The following PPP2R5C variants were observed in gnomAD, a reference collection of about 807,000 sequenced individuals.
PPP2R5C encodes the protein serine/threonine-protein phosphatase 2A 56 kDa regulatory subunit gamma isoform.
PPP2R5C carries 7 observed loss-of-function variants against 68.9 expected under a neutral mutation model. The observed-to-expected ratio is 0.10, with a 90% CI of 0.06 to 0.19. The LOEUF (loss-of-function observed/expected upper bound fraction) is 0.19. Among genes scored for constraint, PPP2R5C ranks in the 10% least tolerant of loss-of-function variants. PPP2R5C has a pLI of 1.00. For missense variants in PPP2R5C, 348 were observed against 641.3 expected, an observed-to-expected ratio of 0.54 and a Z score of 4.94; for synonymous variants, 210 against 222.2, an observed-to-expected ratio of 0.95 and a Z score of 0.49.
At chr14:101,808,171 G>C (rs1037522471), upstream of PPP2R5C, among the ~76,000 whole-genome samples, 10 of 151,574 alleles carry the variant, frequency 6.6e-5, no homozygotes, top group Non-Finnish European at 1.5e-5. Flanking sequence ...TTGGTGATCG[G>C]TGGCCATCCC....
chr14:101,908,698 C>A (rs1194831846), intron 10 of PPP2R5C, among the ~76,000 whole-genome samples: 1 of 150,948 alleles, frequency 6.6e-6, no homozygotes, highest in Non-Finnish European at 1.5e-5. Context: ...TTTTTTTAAT[C>A]GCAACAATGA....
intron 2 of PPP2R5C, among the ~76,000 whole-genome samples, chr14:101,860,914 GGGTGGTGAGGA>G (rs2042700930): frequency 1.3e-5 from 2 of 152,158 alleles, no homozygotes; most frequent in Non-Finnish European, 2.9e-5. Context: ...AGAGAGATGC[GGGTGGTGAGGA>G]GCAATTCCCA....
chr14:101,848,185 A>C (rs1037105011), intron 1 of PPP2R5C, among the ~76,000 whole-genome samples: 1 of 152,222 alleles, frequency 6.6e-6, no homozygotes, highest in African/African-American at 2.4e-5. Flanking sequence ...TTCAATCAAA[A>C]AATTAGAAGC....
chr14:101,900,278 A>G (rs2045600605), intron 8 of PPP2R5C, among the ~76,000 whole-genome samples: 2 of 152,362 alleles, frequency 1.3e-5, no homozygotes, highest in South Asian at 2.1e-4. Context: ...GCATCAAAAC[A>G]AAATTTTTCT....
At chr14:101,865,108 T>A (rs2042975734) in intron 2 of PPP2R5C, among the ~76,000 whole-genome samples, 2 of 152,174 alleles carry the variant, frequency 1.3e-5, no homozygotes, top group Non-Finnish European at 2.9e-5. Flanking sequence ...GAATGCTGGT[T>A]CAGGGGAAAG....
intron 2 of PPP2R5C, among the ~76,000 whole-genome samples, chr14:101,873,958 G>T (rs546213458): frequency 1.3e-5 from 2 of 152,268 alleles, no homozygotes; most frequent in East Asian, 3.9e-4. Context: ...CAAATATTTG[G>T]TTGTTTCAGG....
At chr14:101,826,096 G>T (rs2040385358) in intron 1 of PPP2R5C, among the ~76,000 whole-genome samples, 1 of 152,034 alleles carries the variant, frequency 6.6e-6, no homozygotes, top group South Asian at 2.1e-4. Context: ...TCATACTGTG[G>T]GTTGTCTTTT....
At chr14:101,780,939 T>C (rs184917100) in intron 2 of PPP2R5C, among the ~76,000 whole-genome samples, 49 of 152,246 alleles carry the variant, frequency 3.2e-4, no homozygotes, top group Admixed American at 2.1e-3. Flanking sequence ...GCTGCAGCAC[T>C]GACTGGGTGA....
At chr14:101,889,443 G>C (rs551156116) in intron 5 of PPP2R5C, among the ~76,000 whole-genome samples, 1 of 152,310 alleles carries the variant, frequency 6.6e-6, no homozygotes, top group East Asian at 1.9e-4. Context: ...TTTGTGCCCG[G>C]TTTATTCAGC....
At chr14:101,900,223 A>G (rs930053156) in intron 8 of PPP2R5C, among the ~76,000 whole-genome samples, 4 of 152,216 alleles carry the variant, frequency 2.6e-5, no homozygotes, top group Admixed American at 2.0e-4. Flanking sequence ...GGAGTTTTAT[A>G]AAGTGTAATA....
chr14:101,779,071 A>G (rs551341080), intron 2 of PPP2R5C, among the ~76,000 whole-genome samples: 12 of 152,346 alleles, frequency 7.9e-5, no homozygotes, highest in African/African-American at 2.9e-4. Context: ...AAAATTAAAA[A>G]TAAAAATAAA....
chr14:101,909,565 C>G (rs2046270291), intron 10 of PPP2R5C, 24 bp from the exon 13 acceptor site: 1 of 1,527,058 alleles, frequency 6.5e-7, no homozygotes, highest in Admixed American at 1.7e-5. Context: ...TGCTCCCAGG[C>G]TCACCGTGCG....
intron 2 of PPP2R5C, among the ~76,000 whole-genome samples, chr14:101,869,568 G>A (rs572793613): frequency 3.3e-5 from 5 of 152,096 alleles, no homozygotes; most frequent in Admixed American, 2.6e-4. Flanking sequence ...CATGCCTCCC[G>A]TATCTTTGTC....
At chr14:101,883,678 C>G (rs1428207569) in intron 5 of PPP2R5C, 116 bp downstream of exon 7, 5 of 1,360,354 alleles carry the variant, frequency 3.7e-6, no homozygotes, top group Non-Finnish European at 4.0e-6. Flanking sequence ...GGGGGTTTCT[C>G]AAAGCCTATT....
intron 8 of PPP2R5C, among the ~76,000 whole-genome samples, 180 bp downstream of exon 10, chr14:101,894,740 G>T (rs2045191844): frequency 6.6e-6 from 1 of 152,078 alleles, no homozygotes; most frequent in South Asian, 2.1e-4. Flanking sequence ...CATTTTAATT[G>T]CAGATTCCTT....
At chr14:101,803,967 C>CTTGCAAGTA (rs1312911223) in intron 3 of PPP2R5C, among the ~76,000 whole-genome samples, 1 of 152,076 alleles carries the variant, frequency 6.6e-6, no homozygotes, top group Non-Finnish European at 1.5e-5. Flanking sequence ...TACTTGCAAA[C>CTTGCAAGTA]TACTCATCTG....
chr14:101,854,076 A>G (rs1300080390), intron 1 of PPP2R5C, among the ~76,000 whole-genome samples: 1 of 152,216 alleles, frequency 6.6e-6, no homozygotes, highest in African/African-American at 2.4e-5. Context: ...ATTGAAAAAG[A>G]CTGGATATCT....
chr14:101,915,216 G>A lies in PPP2R5C; in HGVS notation c.1327-2615G>A, dbSNP rs1595549025. ...GTGCCTCAGCCTCCCAAGTATGCTG[G>A]GACTACAGGTGCACGCCACCATGCC... On this transcript the variant is annotated intron_variant, in intron 12 of 13. Transcript: ENST00000334743. The surrounding 1 kb of genome is among the most constrained non-coding windows in gnomAD (Gnocchi z 4.2). Among the ~76,000 whole-genome samples, 1 of 152,186 alleles carries A rather than the reference G, an allele frequency of 6.6e-6. No individual in the cohort carries two copies. Among genetic ancestry groups the A allele is most frequent in the East Asian group, 1.9e-4 (1 of 5,176 alleles).
chr14:101,763,539 C>T (rs1166139889), intron 2 of PPP2R5C, among the ~76,000 whole-genome samples: 11 of 152,130 alleles, frequency 7.2e-5, no homozygotes, highest in Non-Finnish European at 2.9e-5. Flanking sequence ...CCCGCTACCA[C>T]GCCCGGCTAA....
Sources: gnomAD v4.1 joint callset for allele counts (sites outside exome capture counted in the v4.1 genomes callset) on GRCh38, gnomAD v4.1.1 for gene constraint, Gnocchi (gnomAD v3.1) non-coding constraint, MANE v1.5 for transcripts, NCBI Gene and HGNC (gene_info 2026-07-23, HGNC 2026-07-21) for gene names.